Variants in HCRTR2 observed in about 807,000 individuals in gnomAD.
HCRTR2 encodes orexin receptor type 2.
HCRTR2 carries 22 observed loss-of-function variants against 49.0 expected under a neutral mutation model. That is an observed-to-expected ratio of 0.45 (90% CI 0.32 to 0.64). The LOEUF is 0.64. Ranked by LOEUF, HCRTR2 falls within the 30% of genes least tolerant of loss-of-function variation. HCRTR2 has a pLI of 0.04. For missense variants in HCRTR2, 491 were observed against 559.4 expected (o/e 0.88, Z 1.23); for synonymous variants, 236 against 205.3 (o/e 1.15, Z -1.28).
At chr6:55,191,758 A>G (rs940039758) in intron 1 of HCRTR2, among the ~76,000 whole-genome samples, 9 of 148,884 alleles carry the variant, frequency 6.0e-5, no homozygotes, top group African/African-American at 2.2e-4. Context: ...GGTCTACACT[A>G]AGAGTTTAGA....
intron 6 of HCRTR2, 32 bp from the exon 7 acceptor site, chr6:55,282,193 T>C (rs751978741): frequency 8.1e-6 from 12 of 1,483,938 alleles, no homozygotes; most frequent in African/African-American, 5.5e-5. Flanking sequence ...TTATGTATAA[T>C]TCCTTTTCCT....
intron 6 of HCRTR2, among the ~76,000 whole-genome samples, chr6:55,281,260 G>A (rs1767184468): frequency 1.3e-5 from 2 of 151,870 alleles, no homozygotes; most frequent in Middle Eastern, 3.4e-3. Flanking sequence ...GTTTGCATAG[G>A]TTTAAAAAAA....
chr6:55,267,476 T>G (rs762310926), intron 4 of HCRTR2, among the ~76,000 whole-genome samples: 1 of 151,630 alleles, frequency 6.6e-6, no homozygotes, highest in African/African-American at 2.4e-5. Flanking sequence ...CTAAAACTTA[T>G]TTTTTTAAAG....
chr6:55,152,904 A>G (rs948240363), intron 1 of HCRTR2, among the ~76,000 whole-genome samples: 6 of 151,932 alleles, frequency 3.9e-5, no homozygotes, highest in Non-Finnish European at 5.9e-5. Context: ...AAAAACCCCA[A>G]TTGTCTATTT....
chr6:55,282,358 C>T lies in HCRTR2; in HGVS notation c.1239C>T (p.Asn413=), dbSNP rs371442665. Residue 413 remains asparagine (N), a synonymous_variant, in exon 7 of 7, where the codon AAC becomes AAT. Transcript: ENST00000370862. Reference sequence around the variant, plus strand: ...AGTCCTTGACCACTCAAATCAGCAACTTTGATAACATATCAAAACTTTCTG... The same window carrying T: ...AGTCCTTGACCACTCAAATCAGCAATTTTGATAACATATCAAAACTTTCTG... ...SRKSLTTQIS[N]FDNISKLSEQ... is the part of the protein sequence containing the mutation. The T allele has an allele frequency of 8.1e-6, 13 of 1,613,256 alleles. No individual in the cohort carries two copies. The highest frequency in any genetic ancestry group is 1.7e-4 in the Middle Eastern group (1 of 6,060).
intron 4 of HCRTR2, among the ~76,000 whole-genome samples, chr6:55,264,873 G>C (rs1766833990): frequency 6.6e-6 from 1 of 152,004 alleles, no homozygotes. Context: ...AGATTTACTG[G>C]AGTCACCTTA....
intron 1 of HCRTR2, among the ~76,000 whole-genome samples, chr6:55,133,953 A>G (rs1476801203): frequency 6.6e-6 from 1 of 151,942 alleles, no homozygotes; most frequent in Non-Finnish European, 1.5e-5. Context: ...GCAAGTGAGA[A>G]TATTTATCAT....
chr6:55,127,998 A>G (rs114548131), intron 1 of HCRTR2, among the ~76,000 whole-genome samples: 15,077 of 152,208 alleles, frequency 0.099, 1,037 homozygotes, highest in Non-Finnish European at 0.15. Context: ...ATCTTTGCCT[A>G]TTCCTATGCC....
At chr6:55,187,238 C>A (rs969185989) in intron 1 of HCRTR2, among the ~76,000 whole-genome samples, 1 of 151,566 alleles carries the variant, frequency 6.6e-6, no homozygotes, top group Non-Finnish European at 1.5e-5. Flanking sequence ...AACCCCATCT[C>A]TACTAAAAAA....
At chr6:55,246,177 T>G (rs1766440004) in intron 1 of HCRTR2, among the ~76,000 whole-genome samples, 1 of 152,056 alleles carries the variant, frequency 6.6e-6, no homozygotes, top group African/African-American at 2.4e-5. Flanking sequence ...TGCTGACACC[T>G]TGATTTGAGA....
upstream of HCRTR2, chr6:55,174,479 A>G: frequency 1.1e-6 from 1 of 912,836 alleles, no homozygotes; most frequent in Non-Finnish European, 1.8e-6. Flanking sequence ...TCTGCTCGGG[A>G]GCCCCTTCTA....
chr6:55,116,705 A>AAGAGAG (rs1241497780), intron 1 of HCRTR2, among the ~76,000 whole-genome samples: 1 of 16,508 alleles, frequency 6.1e-5, no homozygotes, highest in African/African-American at 1.2e-4. Context: ...CAGTACTGTA[A>AAGAGAG]AGAGAGAGAG....
chr6:55,176,443 TAGGATTACATCTCTTA>T (rs1186625354), intron 1 of HCRTR2, among the ~76,000 whole-genome samples: 3 of 152,200 alleles, frequency 2.0e-5, no homozygotes, highest in Admixed American at 2.0e-4. Flanking sequence ...TACCCATCCT[TAGGATTACATCTCTTA>T]AGACACATGG....
At chr6:55,216,391 A>T (rs1366268929) in intron 1 of HCRTR2, among the ~76,000 whole-genome samples, 1 of 152,140 alleles carries the variant, frequency 6.6e-6, no homozygotes, top group Non-Finnish European at 1.5e-5. Context: ...CAAGAGTCTC[A>T]TCTGAGACTC....
chr6:55,213,110 C>T (rs1765725529), intron 1 of HCRTR2, among the ~76,000 whole-genome samples: 1 of 151,540 alleles, frequency 6.6e-6, no homozygotes, highest in Non-Finnish European at 1.5e-5. Context: ...GAAGGAAGAA[C>T]AAGACAAAGT....
At chr6:55,172,193 A>G (rs1764960670), upstream of HCRTR2, among the ~76,000 whole-genome samples, 1 of 152,144 alleles carries the variant, frequency 6.6e-6, no homozygotes, top group Non-Finnish European at 1.5e-5. Flanking sequence ...TCAAATTAAC[A>G]GAATGAAATT....
chr6:55,167,510 G>A lies in HCRTR2; in HGVS notation c.-377-6701G>A, dbSNP rs572982737. ...AATTTCCTCTAACTCAGACAAATAT[G>A]TTATTTTCAAGGAAAAGAAGCCCAG... On this transcript the variant is annotated intron_variant, in intron 1 of 7. Coordinates refer to the HCRTR2 transcript ENST00000615358. Among the ~76,000 whole-genome samples, 439 of 151,906 alleles carry A rather than the reference G, an allele frequency of 2.9e-3. 4 individuals are homozygous for A. The highest frequency in any genetic ancestry group is 9.9e-3 in the African/African-American group (410 of 41,408).
chr6:55,158,325 C>T (rs1471217105), intron 1 of HCRTR2, among the ~76,000 whole-genome samples: 3 of 152,172 alleles, frequency 2.0e-5, no homozygotes, highest in Non-Finnish European at 2.9e-5. Flanking sequence ...CAGGAGATTC[C>T]CTCGGGTGCC....
chr6:55,152,338 G>C (rs1442339807), intron 1 of HCRTR2, among the ~76,000 whole-genome samples: 1 of 151,598 alleles, frequency 6.6e-6, no homozygotes, highest in Non-Finnish European at 1.5e-5. Flanking sequence ...AAGTGTTGAG[G>C]ATCTTTTCAT....
Sources: allele counts gnomAD v4.1 joint callset (sites outside exome capture counted in the v4.1 genomes callset), GRCh38; gene constraint gnomAD v4.1.1; transcripts MANE v1.5; gene names NCBI Gene and HGNC (gene_info 2026-07-23, HGNC 2026-07-21).